NKAIN2: variants seen among roughly 807,000 people sequenced by gnomAD.
The protein encoded by NKAIN2 is sodium/potassium transporting ATPase interacting 2.
NKAIN2 carries 14 observed loss-of-function variants against 32.6 expected under a neutral mutation model. The ratio of observed to expected loss-of-function variants is 0.43; its 90% CI spans 0.28 to 0.67. The LOEUF is 0.67. NKAIN2 is among the 30% of genes least tolerant of loss of function. NKAIN2 has a pLI of 0.17. For missense variants in NKAIN2, 198 were observed against 258.3 expected (o/e 0.77, Z 1.60); for synonymous variants, 80 against 87.2 (o/e 0.92, Z 0.46).
chr6:124,664,039 C>G (rs962479605), intron 4 of NKAIN2, among the ~76,000 whole-genome samples: 1 of 152,002 alleles, frequency 6.6e-6, no homozygotes, highest in African/African-American at 2.4e-5. Context: ...CATTGGGAGG[C>G]TGAGGAGGGT....
At chr6:124,427,524 A>T (rs1221727226) in intron 3 of NKAIN2, among the ~76,000 whole-genome samples, 1 of 152,222 alleles carries the variant, frequency 6.6e-6, no homozygotes, top group Non-Finnish European at 1.5e-5. Flanking sequence ...AACAGCTTCC[A>T]GGAGAATCTC....
intron 1 of NKAIN2, among the ~76,000 whole-genome samples, chr6:124,237,273 A>G (rs1792822938): frequency 6.6e-6 from 1 of 152,182 alleles, no homozygotes; most frequent in Non-Finnish European, 1.5e-5. Context: ...GAACTACCAC[A>G]GAACAATTGA....
chr6:124,394,402 A>G lies in NKAIN2; in HGVS notation c.273+39055A>G, dbSNP rs962993857. Among the ~76,000 whole-genome samples, 25 of 152,100 alleles carry G rather than the reference A, an allele frequency of 1.6e-4. 1 individual carries two copies. On this transcript the variant is annotated intron_variant, in intron 3 of 6. Coordinates refer to ENST00000368417, the MANE Select transcript of NKAIN2 (RefSeq NM_001040214.3). ...GAAAAAAGTAAAACATGACCTCCTAATAATGCATGGCCCTTGTATTAGTCA... is the reference window on the plus strand; with the variant it reads ...GAAAAAAGTAAAACATGACCTCCTAGTAATGCATGGCCCTTGTATTAGTCA...
At chr6:124,502,228 A>G (rs1778321384) in intron 3 of NKAIN2, among the ~76,000 whole-genome samples, 1 of 152,220 alleles carries the variant, frequency 6.6e-6, no homozygotes, top group Non-Finnish European at 1.5e-5. Context: ...GTAGCATGCC[A>G]GGAGAGGAGT....
intron 1 of NKAIN2, among the ~76,000 whole-genome samples, chr6:123,895,443 A>G (rs890872410): frequency 6.6e-6 from 1 of 152,068 alleles, no homozygotes; most frequent in Non-Finnish European, 1.5e-5. Flanking sequence ...TTCCCTTGAT[A>G]TATTTTGAAA....
chr6:124,368,829 G>A (rs944119544), intron 3 of NKAIN2, among the ~76,000 whole-genome samples: 2 of 152,050 alleles, frequency 1.3e-5, no homozygotes, highest in Non-Finnish European at 2.9e-5. Context: ...AATAAACTAT[G>A]TGCAGTTTCC....
At chr6:124,821,431 A>G (rs1781392021) in intron 6 of NKAIN2, among the ~76,000 whole-genome samples, 1 of 152,208 alleles carries the variant, frequency 6.6e-6, no homozygotes, top group African/African-American at 2.4e-5. Context: ...AATTAGAGGT[A>G]ATCTCTCATC....
chr6:124,808,504 A>G (rs1217089871), intron 5 of NKAIN2, among the ~76,000 whole-genome samples: 2 of 152,346 alleles, frequency 1.3e-5, no homozygotes, highest in East Asian at 1.9e-4. Flanking sequence ...GGAGCTATCT[A>G]TGACAAACCC....
intron 1 of NKAIN2, among the ~76,000 whole-genome samples, chr6:123,975,950 A>T (rs1473111259): frequency 6.6e-6 from 1 of 151,932 alleles, no homozygotes; most frequent in Admixed American, 6.6e-5. Context: ...GAGGTAATTG[A>T]ATCATGTGGG....
chr6:124,003,380 G>A (rs4142474), intron 1 of NKAIN2, among the ~76,000 whole-genome samples: 47,320 of 151,876 alleles, frequency 0.31, 7,738 homozygotes, highest in East Asian at 0.41. Context: ...CATACAGATC[G>A]TTAAACTCAA....
chr6:124,192,055 G>T (rs1378870979), intron 1 of NKAIN2, among the ~76,000 whole-genome samples: 2 of 151,926 alleles, frequency 1.3e-5, no homozygotes, highest in African/African-American at 4.8e-5. Flanking sequence ...CTCCACGTTT[G>T]CTTTGATTTT....
At chr6:124,504,131 G>A (rs1778391227) in intron 3 of NKAIN2, among the ~76,000 whole-genome samples, 2 of 152,066 alleles carry the variant, frequency 1.3e-5, no homozygotes, top group Non-Finnish European at 2.9e-5. Flanking sequence ...AAATATGTGT[G>A]TATATGTCTA....
intron 1 of NKAIN2, among the ~76,000 whole-genome samples, chr6:123,900,066 A>G (rs1774484529): frequency 6.6e-6 from 1 of 152,204 alleles, no homozygotes. Flanking sequence ...TGTCATGTAT[A>G]GGAAAGAGGC....
At chr6:124,376,443 CAT>C (rs751503866) in intron 3 of NKAIN2, among the ~76,000 whole-genome samples, 4 of 152,078 alleles carry the variant, frequency 2.6e-5, no homozygotes, top group Non-Finnish European at 5.9e-5. Flanking sequence ...CAAAAAATCT[CAT>C]AGTGTGAAAT....
chr6:124,798,602 TC>T (rs1166790054), intron 5 of NKAIN2, among the ~76,000 whole-genome samples: 1 of 152,020 alleles, frequency 6.6e-6, no homozygotes, highest in African/African-American at 2.4e-5. Flanking sequence ...TCCTTCCCAT[TC>T]CCCCCTCTGC....
intron 1 of NKAIN2, among the ~76,000 whole-genome samples, chr6:123,862,260 A>G (rs1467090074): frequency 3.3e-5 from 5 of 152,300 alleles, no homozygotes; most frequent in South Asian, 4.1e-4. Context: ...GAAGTTCACT[A>G]TCTCAGAGGT....
intron 1 of NKAIN2, among the ~76,000 whole-genome samples, chr6:124,267,446 C>T (rs1227072968): frequency 7.0e-6 from 1 of 143,108 alleles, no homozygotes; most frequent in Non-Finnish European, 1.5e-5. Flanking sequence ...GAGTTCGAGA[C>T]CAGCGTGGCC....
intron 5 of NKAIN2, among the ~76,000 whole-genome samples, chr6:124,807,042 A>G (rs1780602254): frequency 1.3e-5 from 2 of 152,248 alleles, no homozygotes; most frequent in East Asian, 3.9e-4. Context: ...TAATAATGGG[A>G]GACTTTAACA....
chr6:124,176,777 T>C (rs1789177710), intron 1 of NKAIN2, among the ~76,000 whole-genome samples: 2 of 152,312 alleles, frequency 1.3e-5, no homozygotes, highest in African/African-American at 4.8e-5. Context: ...AACTGGAATC[T>C]ATTTTATTAT....
Sources: allele counts gnomAD v4.1 joint callset (sites outside exome capture counted in the v4.1 genomes callset), GRCh38; gene constraint gnomAD v4.1.1; transcripts MANE v1.5; gene names NCBI Gene and HGNC (gene_info 2026-07-23, HGNC 2026-07-21).